Variants in TYW1 observed in about 807,000 individuals in gnomAD.
TYW1 encodes the protein tRNA-yW synthesizing protein 1 homolog.
In TYW1, 46 loss-of-function variants were observed where a neutral mutation model predicts 96.2. The observed-to-expected ratio is 0.48, with a 90% CI of 0.38 to 0.61. TYW1 has a LOEUF of 0.61. Among genes scored for constraint, TYW1 ranks in the 20% least tolerant of loss-of-function variants. The pLI is 0.00. For synonymous variants in TYW1, 274 were observed against 323.0 expected (o/e 0.85, Z 1.63); for missense variants, 684 against 909.6 (o/e 0.75, Z 3.19).
intron 10 of TYW1, among the ~76,000 whole-genome samples, chr7:67,071,882 A>G (rs1370825941): frequency 6.6e-6 from 1 of 151,912 alleles, no homozygotes; most frequent in Non-Finnish European, 1.5e-5. Context: ...TTGGCCTTCC[A>G]AAGTGCCGGG....
At chr7:67,145,150 CTTTTTT>C (rs201330239) in intron 13 of TYW1, among the ~76,000 whole-genome samples, 3 of 115,012 alleles carry the variant, frequency 2.6e-5, no homozygotes, top group African/African-American at 7.1e-5. Context: ...GTTTTAGTTT[CTTTTTT>C]TTTTTTTTTT....
intron 13 of TYW1, among the ~76,000 whole-genome samples, chr7:67,139,728 GGTGTGTGTGTGT>G (rs55993805): frequency 4.3e-4 from 60 of 138,522 alleles, no homozygotes; most frequent in South Asian, 2.5e-3. Context: ...TGTGTATACA[GGTGTGTGTGTGT>G]GTGTGTGTGT....
chr7:67,225,011 C>T (rs1027726728), intron 15 of TYW1, among the ~76,000 whole-genome samples: 2 of 151,876 alleles, frequency 1.3e-5, no homozygotes, highest in African/African-American at 4.8e-5. Flanking sequence ...GCCAACATGG[C>T]AAAACCCCAT....
At chr7:67,210,827 T>G (rs537156272) in intron 15 of TYW1, among the ~76,000 whole-genome samples, 1 of 145,104 alleles carries the variant, frequency 6.9e-6, no homozygotes, top group Non-Finnish European at 1.5e-5. Context: ...AATCTCTGTC[T>G]ATTCATCCAT....
At chr7:67,151,131 A>C (rs1265823448) in intron 13 of TYW1, among the ~76,000 whole-genome samples, 2 of 151,330 alleles carry the variant, frequency 1.3e-5, no homozygotes, top group Non-Finnish European at 2.9e-5. Flanking sequence ...GCTCACTGCA[A>C]CCTCCGCCTC....
chr7:67,049,606 G>A (rs1028439127), intron 7 of TYW1, among the ~76,000 whole-genome samples: 1 of 152,072 alleles, frequency 6.6e-6, no homozygotes, highest in African/African-American at 2.4e-5. Context: ...GAGTACGGTG[G>A]TGTGATCTCG....
At chr7:67,043,375 T>C (rs1795089520) in intron 7 of TYW1, among the ~76,000 whole-genome samples, 1 of 150,324 alleles carries the variant, frequency 6.7e-6, no homozygotes, top group Non-Finnish European at 1.5e-5. Flanking sequence ...TTTTTTTTTT[T>C]CCTGCAGTAA....
intron 14 of TYW1, among the ~76,000 whole-genome samples, chr7:67,189,269 C>T (rs1800125111): frequency 6.6e-6 from 1 of 151,950 alleles, no homozygotes; most frequent in Admixed American, 6.6e-5. Context: ...ATCTTTTCTC[C>T]CTGACGTGTG....
chr7:67,134,945 CAA>C (rs55746054), intron 13 of TYW1, among the ~76,000 whole-genome samples: 2,650 of 66,310 alleles, frequency 0.04, 81 homozygotes, highest in African/African-American at 0.14. Flanking sequence ...CTTTCTCTAC[CAA>C]AAAAAAAAAA....
At chr7:67,126,497 A>T (rs2116028993) in intron 13 of TYW1, among the ~76,000 whole-genome samples, 1 of 152,186 alleles carries the variant, frequency 6.6e-6, no homozygotes, top group South Asian at 2.1e-4. Context: ...TTTTTCTCTC[A>T]TGGGTCATGC....
intron 8 of TYW1, among the ~76,000 whole-genome samples, chr7:67,052,464 C>T (rs1468912382): frequency 6.6e-6 from 1 of 152,128 alleles, no homozygotes; most frequent in Non-Finnish European, 1.5e-5. Context: ...TGTTTTTCAA[C>T]TTAGACATTG....
rs1800351241 is a variant in TYW1 at position 67,195,219 on chromosome 7, A to G, written c.1859A>G (p.His620Arg). 1 of 1,613,824 alleles carries G rather than the reference A, an allele frequency of 6.2e-7. No homozygotes were observed. Among genetic ancestry groups the G allele is most frequent in the Non-Finnish European group, 8.5e-7 (1 of 1,179,992 alleles). ...TCAGCAAGCAGTCTTACCATGGCCC[A>G]CGTGCCCTGGCATGAGGAAGTGGTA... ...ESSASSLTMAHVPWHEEVVQF... is the reference protein window; with the variant it reads ...ESSASSLTMARVPWHEEVVQF... Residue 620 changes from histidine (H) to arginine (R), a missense_variant, in exon 15 of 16, where the codon CAC becomes CGC. Transcript: ENST00000359626.
Position 66,998,969 on chromosome 7 carries a change from T to C in TYW1, c.273+15T>C. 6.2e-7 allele frequency: 1 copy of C among 1,613,164 alleles called. No homozygotes were observed. Among genetic ancestry groups the C allele is most frequent in the Non-Finnish European group, 8.5e-7 (1 of 1,179,842 alleles). On this transcript the variant is annotated intron_variant, in intron 3 of 15. Transcript: ENST00000359626. ...GAACAGCGAAGGTAAGAAATTTATA[T>C]GATGCTTTTCCTTTGGTTTCCTGAC...
intron 13 of TYW1, among the ~76,000 whole-genome samples, chr7:67,180,896 G>A (rs1026267178): frequency 1.8e-4 from 27 of 152,034 alleles, no homozygotes; most frequent in Non-Finnish European, 2.9e-4. Context: ...CACCCACCTC[G>A]GCCTCCCAAA....
chr7:67,079,917 C>G (rs1796328227), intron 10 of TYW1, among the ~76,000 whole-genome samples: 1 of 152,074 alleles, frequency 6.6e-6, no homozygotes, highest in African/African-American at 2.4e-5. Context: ...CCTTTTATGA[C>G]TGATTTCTTG....
intron 13 of TYW1, among the ~76,000 whole-genome samples, chr7:67,151,799 C>CTTT (rs67274439): frequency 5.0e-5 from 6 of 119,126 alleles, no homozygotes; most frequent in African/African-American, 2.2e-4. Flanking sequence ...GCTGCTGCTG[C>CTTT]TTTTTTTGTT....
At chr7:67,041,457 G>A (rs1001406354) in intron 7 of TYW1, among the ~76,000 whole-genome samples, 12 of 151,942 alleles carry the variant, frequency 7.9e-5, no homozygotes, top group Non-Finnish European at 1.2e-4. Flanking sequence ...CCGCCACCAC[G>A]CCCGGCTAAT....
At chr7:67,165,100 A>G (rs1329187515) in intron 13 of TYW1, among the ~76,000 whole-genome samples, 1 of 151,966 alleles carries the variant, frequency 6.6e-6, no homozygotes, top group African/African-American at 2.4e-5. Flanking sequence ...CTGTCGTGCT[A>G]AACTCTAGGC....
At chr7:67,212,454 T>C (rs1801065281) in intron 15 of TYW1, among the ~76,000 whole-genome samples, 1 of 152,210 alleles carries the variant, frequency 6.6e-6, no homozygotes, top group African/African-American at 2.4e-5. Context: ...AAAGCTGCTA[T>C]AAACATTAAT....
Sources: gnomAD v4.1 joint callset for allele counts (sites outside exome capture counted in the v4.1 genomes callset) on GRCh38, gnomAD v4.1.1 for gene constraint, MANE v1.5 for transcripts, NCBI Gene and HGNC (gene_info 2026-07-23, HGNC 2026-07-21) for gene names.